The following DIAPH3 variants were observed in gnomAD, a reference collection of about 807,000 sequenced individuals.
The protein encoded by DIAPH3 is protein diaphanous homolog 3.
Under a neutral mutation model 144.3 loss-of-function variants are expected in DIAPH3, and 117 were observed. The observed-to-expected ratio is 0.81, with a 90% CI of 0.70 to 0.95. The LOEUF is 0.95. Ranked by LOEUF, DIAPH3 falls within the 40% of genes least tolerant of loss-of-function variation. The pLI is 0.00. For missense variants in DIAPH3, 1,421 were observed against 1,412.7 expected (o/e 1.01, Z -0.09); for synonymous variants, 519 against 488.9 (o/e 1.06, Z -0.81).
intron 20 of DIAPH3, among the ~76,000 whole-genome samples, chr13:59,880,016 A>G (rs1487205581): frequency 6.6e-6 from 1 of 152,178 alleles, no homozygotes; most frequent in Non-Finnish European, 1.5e-5. Flanking sequence ...GGAAAGTAGA[A>G]TGACTCCTGA....
intron 24 of DIAPH3, among the ~76,000 whole-genome samples, chr13:59,815,888 C>T (rs2040744306): frequency 1.3e-5 from 2 of 152,104 alleles, no homozygotes; most frequent in Non-Finnish European, 2.9e-5. Context: ...TCAATCTTTA[C>T]ATTTTCAACT....
intron 27 of DIAPH3, among the ~76,000 whole-genome samples, chr13:59,751,564 TA>T (rs2037007337): frequency 6.6e-6 from 1 of 152,246 alleles, no homozygotes; most frequent in African/African-American, 2.4e-5. Context: ...CATAAATGTA[TA>T]CAACCTGTAA....
At chr13:60,147,146 T>A (rs1376406389) in intron 1 of DIAPH3, 1 of 152,122 alleles carries the variant, frequency 6.6e-6, no homozygotes, top group Non-Finnish European at 1.5e-5. Context: ...TAAACTTGAA[T>A]GTAGGCAAAT....
intron 27 of DIAPH3, among the ~76,000 whole-genome samples, chr13:59,729,958 G>A (rs1053698362): frequency 2.0e-5 from 3 of 151,480 alleles, no homozygotes; most frequent in Non-Finnish European, 4.4e-5. Flanking sequence ...AAAATACTCT[G>A]AATAAAAATA....
chr13:59,947,216 G>A lies in DIAPH3; in HGVS notation c.2075-22346C>T, dbSNP rs564189075. Reference sequence around the variant, plus strand: ...TCTAGACAACAGCTGGACAGGCAGAGTGCAGAGGTGAACATTCTCATAGAT... The same window carrying A: ...TCTAGACAACAGCTGGACAGGCAGAATGCAGAGGTGAACATTCTCATAGAT... On this transcript the variant is annotated intron_variant, in intron 17 of 27. Coordinates refer to ENST00000400324, the MANE Select transcript of DIAPH3 (RefSeq NM_001042517.2). 6.6e-5 allele frequency among the ~76,000 whole-genome samples: 10 copies of A among 152,276 alleles called. No individual in the cohort carries two copies. The South Asian group carries it at 2.1e-3, about 32-fold the overall frequency.
rs10523754 is a variant in DIAPH3 at position 59,955,080 on chromosome 13, G to GTA, written c.2074+14862_2074+14863dup. ...TATTCTTTCATATATATATATACAT[G>GTA]TATATATATATATACATGTATATAT... On this transcript the variant is annotated intron_variant, in intron 17 of 27. Coordinates refer to ENST00000400324, the MANE Select transcript of DIAPH3 (RefSeq NM_001042517.2). Among the ~76,000 whole-genome samples the GTA allele has an allele frequency of 5.9e-4, 83 of 139,646 alleles. No homozygotes were observed. In the South Asian group the frequency reaches 6.9e-3, roughly 12 times the overall value. 91.6% of individuals were successfully genotyped at this position (139,646 alleles called of 152,430 possible).
intron 27 of DIAPH3, among the ~76,000 whole-genome samples, chr13:59,689,605 A>G (rs1002263858): frequency 2.0e-5 from 3 of 152,042 alleles, no homozygotes; most frequent in Non-Finnish European, 4.4e-5. Context: ...AGAAACGAGA[A>G]GACTGCTATT....
At chr13:59,688,101 T>C (rs1278108321) in intron 27 of DIAPH3, among the ~76,000 whole-genome samples, 1 of 151,956 alleles carries the variant, frequency 6.6e-6, no homozygotes, top group Non-Finnish European at 1.5e-5. Context: ...ATTCATAACA[T>C]GAGAGATTAA....
intron 21 of DIAPH3, among the ~76,000 whole-genome samples, chr13:59,863,470 T>C (rs1462298507): frequency 1.3e-5 from 2 of 152,046 alleles, no homozygotes; most frequent in Non-Finnish European, 1.5e-5. Flanking sequence ...TCTATCACTA[T>C]CAGAAAAATA....
chr13:59,754,384 AG>A (rs1214203949), intron 27 of DIAPH3, among the ~76,000 whole-genome samples: 1 of 152,128 alleles, frequency 6.6e-6, no homozygotes, highest in Non-Finnish European at 1.5e-5. Context: ...ACACGTAGTA[AG>A]TGGTCAAATA....
chr13:59,883,718 G>A (rs1217103999), intron 20 of DIAPH3, among the ~76,000 whole-genome samples: 6 of 152,078 alleles, frequency 3.9e-5, no homozygotes, highest in African/African-American at 1.2e-4. Context: ...TTACCACTCA[G>A]AGCATCGCAA....
rs190975544 is a variant in DIAPH3, at chr13:59,802,437, A to G, written c.3163+8351T>C. ...TATATCAATTTTAATTAATTTACTT[A>G]TCAATTATTATTTATTTATCAATTT... is the stretch of plus-strand genomic sequence containing the variant. On this transcript the variant is annotated intron_variant, in intron 25 of 27. Coordinates refer to ENST00000400324, the MANE Select transcript of DIAPH3 (RefSeq NM_001042517.2). Among the ~76,000 whole-genome samples, 7 of 151,414 alleles carry G rather than the reference A, an allele frequency of 4.6e-5. No homozygotes were observed. The East Asian group carries it at 1.4e-3, about 29-fold the overall frequency.
At chr13:59,707,972 T>G (rs961319843) in intron 27 of DIAPH3, among the ~76,000 whole-genome samples, 1 of 151,584 alleles carries the variant, frequency 6.6e-6, no homozygotes, top group South Asian at 2.1e-4. Flanking sequence ...AAACATACTA[T>G]TTCTCTCATC....
At chr13:59,944,794 A>AGT (rs1555339347) in intron 17 of DIAPH3, among the ~76,000 whole-genome samples, 1 of 148,176 alleles carries the variant, frequency 6.7e-6, no homozygotes, top group Non-Finnish European at 1.5e-5. Flanking sequence ...TTAGAAAAAA[A>AGT]GGGGGGGGGC....
At chr13:60,116,000 T>A (rs1189369991) in intron 2 of DIAPH3, among the ~76,000 whole-genome samples, 1 of 152,100 alleles carries the variant, frequency 6.6e-6, no homozygotes, top group East Asian at 1.9e-4. Context: ...AAAACTGAGA[T>A]AATCTGTCTC....
chr13:60,026,152 T>G (rs969437098), intron 5 of DIAPH3, among the ~76,000 whole-genome samples: 3 of 152,200 alleles, frequency 2.0e-5, no homozygotes, highest in Non-Finnish European at 2.9e-5. Flanking sequence ...TACTCTCTTA[T>G]ACATCCCCAC....
At chr13:60,108,880 GGTGTGTGTGTTGGGGGGAGGT>G (rs1435506919) in intron 3 of DIAPH3, among the ~76,000 whole-genome samples, 1 of 152,016 alleles carries the variant, frequency 6.6e-6, no homozygotes, top group African/African-American at 2.4e-5. Context: ...TTGGTGAGTG[GGTGTGTGTGTTGGGGGGAGGT>G]GTGTGTGTAT....
At chr13:60,087,740 C>T (rs1344001668) in intron 4 of DIAPH3, among the ~76,000 whole-genome samples, 1 of 150,378 alleles carries the variant, frequency 6.6e-6, no homozygotes, top group African/African-American at 2.5e-5. Context: ...AGCAAACTTT[C>T]AGGAGCATTT....
At chr13:60,158,244 C>T (rs1319071715) in intron 1 of DIAPH3, among the ~76,000 whole-genome samples, 6 of 152,302 alleles carry the variant, frequency 3.9e-5, no homozygotes, top group African/African-American at 1.4e-4. Context: ...TCAGCCAATA[C>T]TGGATGCAAA....
Sources: gnomAD v4.1 joint callset for allele counts (sites outside exome capture counted in the v4.1 genomes callset) on GRCh38, gnomAD v4.1.1 for gene constraint, MANE v1.5 for transcripts, NCBI Gene and HGNC (gene_info 2026-07-23, HGNC 2026-07-21) for gene names.